Variants in DCHS2 observed in about 807,000 individuals in gnomAD.
DCHS2 encodes protocadherin-23.
In DCHS2, 142 loss-of-function variants were observed where a neutral mutation model predicts 182.4. The ratio of observed to expected loss-of-function variants is 0.78; its 90% CI spans 0.68 to 0.89. The LOEUF (loss-of-function observed/expected upper bound fraction) is 0.89. DCHS2 is among the 40% of genes least tolerant of loss of function. DCHS2 has a pLI of 0.00. For missense variants in DCHS2, 4,319 were observed against 4,198.6 expected, an observed-to-expected ratio of 1.03 and a Z score of -0.79; for synonymous variants, 1,740 against 1,663.3, an observed-to-expected ratio of 1.05 and a Z score of -1.12.
intron 1 of DCHS2, among the ~76,000 whole-genome samples, chr4:154,479,253 G>T (rs747988980): frequency 6.6e-6 from 1 of 152,044 alleles, no homozygotes; most frequent in African/African-American, 2.4e-5. Context: ...AATAATACAA[G>T]CCATCTGATC....
intron 16 of DCHS2, among the ~76,000 whole-genome samples, chr4:154,249,633 C>T (rs79086721): frequency 2.0e-5 from 3 of 152,214 alleles, no homozygotes; most frequent in South Asian, 2.1e-4. Flanking sequence ...TTCATCACCA[C>T]GCTATTCACA....
At position 154,320,995 on chromosome 4, in the gene DCHS2, A is replaced by G. The variant is rs1561039627; in HGVS notation, c.4404T>C (p.Asp1468=). 1 of 1,614,056 alleles carries G rather than the reference A, an allele frequency of 6.2e-7. No individual in the cohort carries two copies. The change falls in exon 9 of 20, where the codon GAT becomes GAC. Residue 1468 remains aspartate, a synonymous_variant. Coordinates refer to ENST00000357232, the MANE Select transcript of DCHS2 (RefSeq NM_001358235.2). ...AAAGATAATGAGATGTCGTCTCATAATCAAGTTCCTTAGAAAGAAACAAGT... is the reference window on the plus strand; with the variant it reads ...AAAGATAATGAGATGTCGTCTCATAGTCAAGTTCCTTAGAAAGAAACAAGT... ...TGDLFLSKEL[D]YETTSHYLFR...
intron 1 of DCHS2, among the ~76,000 whole-genome samples, chr4:154,454,189 C>G (rs1734663665): frequency 6.6e-6 from 1 of 152,040 alleles, no homozygotes; most frequent in African/African-American, 2.4e-5. Flanking sequence ...CTCAGCATAA[C>G]ATGCTCAGGC....
At position 154,239,270 on chromosome 4, in the gene DCHS2, A is replaced by G. The variant is rs1731684762; in HGVS notation, c.7392T>C (p.Tyr2464=). The change falls in exon 19 of 20, where the codon TAT becomes TAC. Residue 2464 remains tyrosine (Y), a synonymous_variant. Transcript: ENST00000357232. The part of the protein sequence containing the change: ...VTVPESIPVG[Y]SVLTLSATDL... ...CTGTGGCTGACAGAGTCAGCACTGA[A>G]TACCCCACAGGTATTGATTCAGGAA... 1 of 1,613,490 alleles carries G rather than the reference A, an allele frequency of 6.2e-7. No individual in the cohort carries two copies. The highest frequency in any genetic ancestry group is 8.5e-7 in the Non-Finnish European group (1 of 1,179,688).
intron 1 of DCHS2, among the ~76,000 whole-genome samples, chr4:154,477,272 A>G (rs1414114774): frequency 1.3e-5 from 2 of 152,098 alleles, no homozygotes; most frequent in Non-Finnish European, 2.9e-5. Flanking sequence ...TTATAAGGAC[A>G]CTAATTCCAT....
chr4:154,326,256 C>T (rs1048618154), intron 7 of DCHS2, among the ~76,000 whole-genome samples: 1 of 152,246 alleles, frequency 6.6e-6, no homozygotes, highest in East Asian at 1.9e-4. Flanking sequence ...TTTGAGTTGT[C>T]TGTTAACATT....
chr4:154,372,896 G>T (rs1285603649), intron 2 of DCHS2, among the ~76,000 whole-genome samples: 1 of 152,138 alleles, frequency 6.6e-6, no homozygotes. Flanking sequence ...CAGTAGCAAC[G>T]AACATCAATG....
At chr4:154,407,936 AG>A (rs1732466933) in intron 1 of DCHS2, among the ~76,000 whole-genome samples, 1 of 152,074 alleles carries the variant, frequency 6.6e-6, no homozygotes, top group South Asian at 2.1e-4. Context: ...CAAATGCAAA[AG>A]TTTCTATAAC....
At chr4:154,413,908 T>C (rs149175150) in intron 1 of DCHS2, among the ~76,000 whole-genome samples, 158 of 152,352 alleles carry the variant, frequency 1.0e-3, no homozygotes, top group African/African-American at 3.8e-3. Flanking sequence ...TAAATTATAC[T>C]AATTTGCATG....
chr4:154,366,364 T>G lies in DCHS2; in HGVS notation c.2322A>C (p.Ser774=). The change falls in exon 3 of 20, where the codon TCA becomes TCC. Residue 774 remains serine, a synonymous_variant. Transcript: ENST00000357232. The stretch of plus-strand genomic sequence containing the variant: ...CATCACTGATGCTCGTCACATAGGT[T>G]GATGGGTTAAACACAGGATGATTAT... ...VNDNHPVFNP[S]TYVTSISDET... 1 of 1,613,852 alleles carries G rather than the reference T, an allele frequency of 6.2e-7. No individual in the cohort carries two copies. The highest frequency in any genetic ancestry group is 8.5e-7 in the Non-Finnish European group (1 of 1,179,926).
At chr4:154,402,162 C>G (rs1463291905) in intron 1 of DCHS2, among the ~76,000 whole-genome samples, 3 of 152,196 alleles carry the variant, frequency 2.0e-5, no homozygotes, top group Non-Finnish European at 4.4e-5. Context: ...CTTTTTACCA[C>G]TAAATTGCCC....
intron 17 of DCHS2, among the ~76,000 whole-genome samples, chr4:154,241,270 T>C (rs1426878414): frequency 6.6e-6 from 1 of 152,160 alleles, no homozygotes; most frequent in South Asian, 2.1e-4. Flanking sequence ...GGCACTAATG[T>C]CCGAATTAGA....
chr4:154,435,248 T>C (rs1012513710), intron 1 of DCHS2, among the ~76,000 whole-genome samples: 4 of 152,202 alleles, frequency 2.6e-5, no homozygotes, highest in African/African-American at 9.7e-5. Flanking sequence ...CTTTTTAAGA[T>C]TGATCAGCAA....
At chr4:154,464,893 C>T (rs1431714678) in intron 1 of DCHS2, among the ~76,000 whole-genome samples, 2 of 152,178 alleles carry the variant, frequency 1.3e-5, no homozygotes, top group African/African-American at 4.8e-5. Flanking sequence ...CCTTGCAACT[C>T]AGCTTTGAAT....
intron 7 of DCHS2, among the ~76,000 whole-genome samples, chr4:154,325,927 T>C (rs1736264770): frequency 1.3e-5 from 2 of 152,254 alleles, no homozygotes; most frequent in Admixed American, 1.3e-4. Flanking sequence ...ATCCTTGCCT[T>C]CCTTGCTTAA....
intron 16 of DCHS2, among the ~76,000 whole-genome samples, chr4:154,247,718 G>A (rs1163033738): frequency 6.7e-6 from 1 of 149,958 alleles, no homozygotes; most frequent in Non-Finnish European, 1.5e-5. Context: ...CTGGGTTTCA[G>A]AGAATAACAC....
chr4:154,439,520 A>G (rs1221434608), intron 1 of DCHS2, among the ~76,000 whole-genome samples: 8 of 152,188 alleles, frequency 5.3e-5, no homozygotes. Flanking sequence ...ATTTTCTCCT[A>G]CAGTCTGTCT....
At chr4:154,330,363 CTA>C (rs34581182) in intron 5 of DCHS2, among the ~76,000 whole-genome samples, 51,376 of 151,926 alleles carry the variant, frequency 0.34, 8,866 homozygotes, top group East Asian at 0.47. Context: ...TAGTGACTTC[CTA>C]TAAAAACTCT....
At position 154,374,084 on chromosome 4, in the gene DCHS2, C is replaced by A. The variant is rs1730778529; in HGVS notation, c.2244+3169G>T. On this transcript the variant is annotated intron_variant, in intron 2 of 19. Coordinates refer to ENST00000357232, the MANE Select transcript of DCHS2 (RefSeq NM_001358235.2). ...CCAGAAAAGACACCTGGATTAAAGTCAAAATTCCCAATGCACTTCTGGAGC... is the reference window on the plus strand; with the variant it reads ...CCAGAAAAGACACCTGGATTAAAGTAAAAATTCCCAATGCACTTCTGGAGC... The A allele has an allele frequency of 8.0e-6, 6 of 750,160 alleles. No homozygotes were observed. The South Asian group carries it at 1.2e-4, about 14-fold the overall frequency. The allele number at this position is 750,160 out of a possible 1,614,324, so 46.5% of individuals were successfully genotyped here. A position where few individuals can be genotyped will look rare whatever the true frequency, so the allele number is the denominator to read the frequency against.
Sources: gnomAD v4.1 joint callset for allele counts (sites outside exome capture counted in the v4.1 genomes callset) on GRCh38, gnomAD v4.1.1 for gene constraint, MANE v1.5 for transcripts, NCBI Gene and HGNC (gene_info 2026-07-23, HGNC 2026-07-21) for gene names.